Variants in ZNF423 observed in about 807,000 individuals in gnomAD.
ZNF423 encodes the protein Ebf-associated zinc finger protein.
A neutral mutation model predicts 95.8 loss-of-function variants in ZNF423; 12 were observed. The ratio of observed to expected loss-of-function variants is 0.13; its 90% confidence interval spans 0.08 to 0.20. The LOEUF is 0.20. Ranked by LOEUF, ZNF423 falls within the 10% of genes least tolerant of loss-of-function variation. The pLI, the probability that ZNF423 is intolerant of heterozygous loss-of-function variation, is 1.00. For synonymous variants in ZNF423, 749 were observed against 711.9 expected (o/e 1.05, Z -0.83); for missense variants, 1,316 against 1,737.1 (o/e 0.76, Z 4.31).
chr16:49,672,638 G>A (rs564434973), intron 3 of ZNF423, among the ~76,000 whole-genome samples: 50 of 152,180 alleles, frequency 3.3e-4, no homozygotes, highest in African/African-American at 1.1e-3. Flanking sequence ...CCAACATGGC[G>A]AAACCTGTCT....
rs144693041 is a variant in ZNF423, at chr16:49,518,985, G to A, written c.3849+4639C>T. Among the ~76,000 whole-genome samples, 18 of 152,316 alleles carry A rather than the reference G, an allele frequency of 1.2e-4. No homozygotes were observed. In the East Asian group the frequency reaches 3.5e-3, roughly 29 times the overall value. ...AAGCTGAGGTGAAAGGATGACATGA[G>A]CCCCGGAGGTTGAGGCTGCAGTAAG... On this transcript the variant is annotated intron_variant, in intron 7 of 7. Transcript: ENST00000563137.
At position 49,575,456 on chromosome 16, in the gene ZNF423, C is replaced by CT. The variant is rs1970467409; in HGVS notation, c.3602-49963dup. ...TTCACTCTCTAGGTTCTTCAGGCCT[C>CT]TAACATCACATCCGGCCAGCATTCA... is the stretch of plus-strand genomic sequence containing the variant. On this transcript the variant is annotated intron_variant, in intron 5 of 7. Coordinates refer to ENST00000563137, the MANE Select transcript of ZNF423 (RefSeq NM_001379286.1). Among the ~76,000 whole-genome samples the CT allele has an allele frequency of 2.0e-5, 3 of 152,308 alleles. No individual in the cohort carries two copies. The South Asian group carries it at 6.2e-4, about 32-fold the overall frequency.
intron 5 of ZNF423, among the ~76,000 whole-genome samples, chr16:49,552,137 A>C (rs1341355173): frequency 1.3e-5 from 2 of 152,210 alleles, no homozygotes; most frequent in African/African-American, 4.8e-5. Context: ...GGGTCTGCAT[A>C]ACCCTCACTG....
intron 5 of ZNF423, among the ~76,000 whole-genome samples, chr16:49,596,870 G>A (rs1352968213): frequency 1.3e-5 from 2 of 152,208 alleles, no homozygotes; most frequent in Non-Finnish European, 1.5e-5. Flanking sequence ...TGGCAGGCAG[G>A]GATGGAATAT....
At chr16:49,822,687 C>T in intron 1 of ZNF423, 1 of 1,612,154 alleles carries the variant, frequency 6.2e-7, no homozygotes, top group Non-Finnish European at 8.5e-7. Flanking sequence ...CTTATGCATC[C>T]ATGTCTTTCT....
chr16:49,695,133 T>C (rs1192611967), intron 3 of ZNF423, among the ~76,000 whole-genome samples: 1 of 152,216 alleles, frequency 6.6e-6, no homozygotes, highest in Non-Finnish European at 1.5e-5. Flanking sequence ...TTTTTGTTTC[T>C]GAGACATAGT....
chr16:49,637,725 T>C lies in ZNF423; in HGVS notation c.1451A>G (p.Asn484Ser). 3.1e-6 allele frequency: 5 copies of C among 1,614,174 alleles called. No individual in the cohort carries two copies. Among genetic ancestry groups the C allele is most frequent in the Non-Finnish European group, 4.2e-6 (5 of 1,180,040 alleles). Residue 484 changes from asparagine (N) to serine (S), a missense_variant, in exon 4 of 8, where the codon AAC becomes AGC. By Grantham distance (46) the Asn-to-Ser change is conservative (BLOSUM62 1). This residue lies in a region of ZNF423 where 399 missense variants were observed against 478.5 expected (regional missense o/e 0.83). Transcript: ENST00000563137. This position sits in a 1 kb window ranked among gnomAD's most constrained non-coding sequence, Gnocchi z 5.6. ...NHAYPVMQFG[N>S]ISAFHCNYCP... ...GTAGTTGCAGTGGAAGGCAGAGATG[T>C]TGCCAAACTGCATCACAGGGTAGGC...
chr16:49,601,012 G>T (rs548406374), intron 5 of ZNF423, among the ~76,000 whole-genome samples: 1 of 152,182 alleles, frequency 6.6e-6, no homozygotes, highest in Non-Finnish European at 1.5e-5. Flanking sequence ...AAAAAATGGG[G>T]ACTATTAATC....
At chr16:49,764,893 G>A (rs113472175) in intron 2 of ZNF423, among the ~76,000 whole-genome samples, 6 of 150,958 alleles carry the variant, frequency 4.0e-5, no homozygotes, top group Middle Eastern at 6.8e-3. Context: ...GATTACAGGT[G>A]TGCGCCACCA....
intron 5 of ZNF423, among the ~76,000 whole-genome samples, chr16:49,567,360 C>T (rs1403257579): frequency 2.6e-5 from 4 of 152,196 alleles, no homozygotes; most frequent in Non-Finnish European, 4.4e-5. Context: ...GCTGCCACTG[C>T]GATGCTCCCA....
intron 5 of ZNF423, among the ~76,000 whole-genome samples, chr16:49,565,569 C>T (rs558406370): frequency 1.3e-4 from 20 of 152,140 alleles, no homozygotes; most frequent in Non-Finnish European, 2.4e-4. Flanking sequence ...AGCCCTCCCA[C>T]GTGCTGCCCA....
chr16:49,491,418 A>T, intron 7 of ZNF423, 114 bp from the exon 8 acceptor site: 1 of 1,341,032 alleles, frequency 7.5e-7, no homozygotes, highest in East Asian at 2.3e-5. Context: ...CGATTATAAC[A>T]AAACAAAATG....
At chr16:49,817,675 G>A (rs577843031) in intron 1 of ZNF423, among the ~76,000 whole-genome samples, 87 of 152,262 alleles carry the variant, frequency 5.7e-4, no homozygotes, top group African/African-American at 1.9e-3. Context: ...GAGAAATGGG[G>A]ACAGTGCAGT....
intron 1 of ZNF423, among the ~76,000 whole-genome samples, chr16:49,831,167 G>C (rs1202021121): frequency 2.0e-5 from 3 of 152,168 alleles, no homozygotes; most frequent in African/African-American, 4.8e-5. Context: ...GACTGAGGCA[G>C]GGGGAGAAGA....
intron 3 of ZNF423, among the ~76,000 whole-genome samples, chr16:49,726,064 A>G (rs1431742059): frequency 1.3e-5 from 2 of 152,180 alleles, no homozygotes; most frequent in Non-Finnish European, 2.9e-5. Flanking sequence ...CAAAGACCCC[A>G]AAAGCTGTCA....
Position 49,637,427 on chromosome 16 carries a change from G to T in ZNF423, c.1749C>A (p.Gly583=), listed in dbSNP as rs781209503. The change falls in exon 4 of 8, where the codon GGC becomes GGA. Residue 583 remains glycine, a synonymous_variant. Transcript: ENST00000563137. This position sits in a 1 kb window ranked among gnomAD's most constrained non-coding sequence, Gnocchi z 5.6. ...TGTGCTTGGTGAGTTTCAGGATGGA[G>T]CCAAAGATGGGGGAGTTGGTGCAGT... ...CPYCTNSPIF[G]SILKLTKHIK... is the part of the protein sequence containing the mutation. 5 of 1,614,184 alleles carry T rather than the reference G, an allele frequency of 3.1e-6. No individual in the cohort carries two copies. The Admixed American group carries it at 8.3e-5, about 27-fold the overall frequency.
At chr16:49,790,985 C>T (rs918631279) in intron 1 of ZNF423, among the ~76,000 whole-genome samples, 2 of 152,136 alleles carry the variant, frequency 1.3e-5, no homozygotes, top group African/African-American at 4.8e-5. Flanking sequence ...TCCTGCTCTA[C>T]GTGGTGCTCT....
intron 1 of ZNF423, among the ~76,000 whole-genome samples, chr16:49,843,440 A>T (rs745434252): frequency 6.6e-6 from 1 of 152,156 alleles, no homozygotes; most frequent in Admixed American, 6.5e-5. Context: ...GGATTATTTC[A>T]TCTATGGTGG....
intron 2 of ZNF423, among the ~76,000 whole-genome samples, chr16:49,766,193 G>A (rs2033925655): frequency 6.6e-6 from 1 of 152,154 alleles, no homozygotes. Flanking sequence ...GCAGAAGTCA[G>A]GATATTAACA....
Sources: allele counts gnomAD v4.1 joint callset (sites outside exome capture counted in the v4.1 genomes callset), GRCh38; gene constraint gnomAD v4.1.1; regional missense constraint gnomAD v4.1.1; non-coding constraint Gnocchi (gnomAD v3.1); transcripts MANE v1.5; gene names NCBI Gene and HGNC (gene_info 2026-07-23, HGNC 2026-07-21).